GK5: variants seen among roughly 807,000 people sequenced by gnomAD.
GK5 encodes glycerol kinase 5.
A neutral mutation model predicts 77.3 loss-of-function variants in GK5; 39 were observed. The observed-to-expected ratio is 0.50, with a 90% confidence interval of 0.39 to 0.66. The LOEUF (loss-of-function observed/expected upper bound fraction) is 0.66. GK5 is among the 30% of genes least tolerant of loss of function. The probability of loss-of-function intolerance (pLI) is 0.00; values close to 1 mark genes in which losing one functional copy is unlikely to be tolerated. For missense variants in GK5, 487 were observed against 633.8 expected (o/e 0.77, Z 2.49); for synonymous variants, 211 against 208.0 (o/e 1.01, Z -0.13).
At chr3:142,222,483 T>C (rs527236270) in intron 1 of GK5, among the ~76,000 whole-genome samples, 1 of 151,860 alleles carries the variant, frequency 6.6e-6, no homozygotes, top group South Asian at 2.1e-4. Context: ...GAGAATAGCA[T>C]GAAGCCGGGA....
intron 5 of GK5, among the ~76,000 whole-genome samples, chr3:142,193,502 A>C (rs1421561480): frequency 6.6e-6 from 1 of 151,896 alleles, no homozygotes; most frequent in African/African-American, 2.4e-5. Context: ...AAAAACAAAA[A>C]AAAAAGCAGA....
intron 12 of GK5, among the ~76,000 whole-genome samples, chr3:142,176,658 A>ATTTTTTTTT (rs1219207632): frequency 6.7e-5 from 7 of 105,188 alleles, no homozygotes; most frequent in East Asian, 2.7e-4. Context: ...GGAGATTTTG[A>ATTTTTTTTT]TTTTTTTTTT....
At chr3:142,183,082 C>T (rs1166483373) in intron 9 of GK5, 33 bp from the exon 10 acceptor site, 2 of 1,600,640 alleles carry the variant, frequency 1.2e-6, no homozygotes, top group Admixed American at 3.4e-5. Context: ...AACCCATTGC[C>T]CTTAACAGTG....
intron 12 of GK5, among the ~76,000 whole-genome samples, chr3:142,173,363 G>A (rs2063565294): frequency 6.6e-6 from 1 of 151,788 alleles, no homozygotes; most frequent in African/African-American, 2.4e-5. Context: ...TGTATCTCCA[G>A]AAATGTAAGG....
intron 1 of GK5, among the ~76,000 whole-genome samples, chr3:142,220,047 C>T: frequency 6.6e-6 from 1 of 152,202 alleles, no homozygotes. Flanking sequence ...GCATGTATCT[C>T]CAATTCCTCC....
chr3:142,173,014 G>A (rs1055831858), intron 12 of GK5: 3 of 263,166 alleles, frequency 1.1e-5, no homozygotes, highest in Non-Finnish European at 2.3e-5. Context: ...ACTATCCTGG[G>A]CAACAAAGCA....
intron 11 of GK5, among the ~76,000 whole-genome samples, chr3:142,181,138 T>C (rs1262143637): frequency 1.3e-5 from 2 of 152,236 alleles, no homozygotes; most frequent in East Asian, 3.9e-4. Flanking sequence ...CCCATTTTTG[T>C]CATGTTATTA....
chr3:142,206,760 C>T (rs2064113627), intron 3 of GK5, among the ~76,000 whole-genome samples: 1 of 152,200 alleles, frequency 6.6e-6, no homozygotes, highest in African/African-American at 2.4e-5. Context: ...ATTATCTAAT[C>T]TCAACCCTAT....
At chr3:142,193,913 G>C (rs1322659167) in intron 5 of GK5, among the ~76,000 whole-genome samples, 1 of 151,960 alleles carries the variant, frequency 6.6e-6, no homozygotes, top group Non-Finnish European at 1.5e-5. Flanking sequence ...GCTAATTTTT[G>C]TATTTTTAGT....
rs572859741 is a variant in GK5, at chr3:142,203,436, A to C, written c.411+1259T>G. 3.9e-4 allele frequency among the ~76,000 whole-genome samples: 59 copies of C among 152,308 alleles called. 3 individuals carry two copies. The South Asian group carries it at 0.012, about 30-fold the overall frequency. On this transcript the variant is annotated intron_variant, in intron 4 of 15. Transcript: ENST00000392993. ...CCTGGGCGCCATCTGATACCAGTACACTAGCAGAGAAGGCATTTAACTGTG... is the reference window on the plus strand; with the variant it reads ...CCTGGGCGCCATCTGATACCAGTACCCTAGCAGAGAAGGCATTTAACTGTG...
chr3:142,215,473 A>G, intron 2 of GK5, 126 bp downstream of exon 2: 1 of 510,084 alleles, frequency 2.0e-6, no homozygotes, highest in South Asian at 3.7e-5. Flanking sequence ...ATACTGGGAA[A>G]CTGTAATCCC....
At chr3:142,209,335 G>A (rs927010781) in intron 3 of GK5, among the ~76,000 whole-genome samples, 3 of 152,278 alleles carry the variant, frequency 2.0e-5, no homozygotes, top group South Asian at 2.1e-4. Context: ...AAGATAAAGC[G>A]TGTCTTAGAG....
chr3:142,189,285 T>C (rs2063816579), intron 5 of GK5, among the ~76,000 whole-genome samples: 1 of 152,312 alleles, frequency 6.6e-6, no homozygotes, highest in South Asian at 2.1e-4. Flanking sequence ...TAAAGATAAA[T>C]TATACTTTAA....
rs546627225 is a variant in GK5 at position 142,208,105 on chromosome 3, A to G, written c.318-3317T>C. Among the ~76,000 whole-genome samples the G allele has an allele frequency of 2.6e-5, 4 of 152,296 alleles. No homozygotes were observed. In the East Asian group the frequency reaches 7.7e-4, roughly 29 times the overall value. Reference sequence around the variant, plus strand: ...AAGCCTAACTGCATATTAGATATCAATGACTAAATTTTTTCAGACATTTTT... The same window carrying G: ...AAGCCTAACTGCATATTAGATATCAGTGACTAAATTTTTTCAGACATTTTT... On this transcript the variant is annotated intron_variant, in intron 3 of 15. Coordinates refer to ENST00000392993, the MANE Select transcript of GK5 (RefSeq NM_001039547.3).
At chr3:142,211,530 G>A (rs1309305278) in intron 3 of GK5, among the ~76,000 whole-genome samples, 1 of 152,156 alleles carries the variant, frequency 6.6e-6, no homozygotes, top group African/African-American at 2.4e-5. Flanking sequence ...GGTGGCTCAC[G>A]CCTGTAATCC....
At chr3:142,182,360 T>C (rs904012579) in intron 10 of GK5, among the ~76,000 whole-genome samples, 3 of 152,192 alleles carry the variant, frequency 2.0e-5, no homozygotes, top group Non-Finnish European at 4.4e-5. Context: ...ATTTTTTTTT[T>C]TGGAGACAGA....
At chr3:142,199,595 C>T (rs1391363427) in intron 4 of GK5, among the ~76,000 whole-genome samples, 1 of 152,020 alleles carries the variant, frequency 6.6e-6, no homozygotes, top group Admixed American at 6.6e-5. Flanking sequence ...CTAACACAGA[C>T]AGAAATTTCC....
intron 15 of GK5, among the ~76,000 whole-genome samples, chr3:142,166,149 T>G (rs2063470763): frequency 6.6e-6 from 1 of 152,184 alleles, no homozygotes; most frequent in East Asian, 1.9e-4. Flanking sequence ...TTTGGGAGAC[T>G]GAGGAGGGGA....
At chr3:142,206,562 T>C (rs4624580) in intron 3 of GK5, among the ~76,000 whole-genome samples, 6,971 of 152,320 alleles carry the variant, frequency 0.046, 276 homozygotes, top group East Asian at 0.14. Flanking sequence ...TGTGTATTAC[T>C]CAAGTCCTTT....
Sources: allele counts gnomAD v4.1 joint callset (sites outside exome capture counted in the v4.1 genomes callset), GRCh38; gene constraint gnomAD v4.1.1; transcripts MANE v1.5; gene names NCBI Gene and HGNC (gene_info 2026-07-23, HGNC 2026-07-21).